Variants in KYNU observed in about 807,000 individuals in gnomAD.
KYNU encodes the protein kynureninase, also known as L-kynurenine hydrolase.
KYNU carries 54 observed loss-of-function variants against 59.2 expected under a neutral mutation model. That is an observed-to-expected ratio of 0.91 (90% CI 0.73 to 1.14). The LOEUF is 1.14. Ranked by LOEUF, KYNU falls within the 50% of genes most tolerant of loss-of-function variation. The probability of loss-of-function intolerance (pLI) is 0.00; values close to 1 mark genes in which losing one functional copy is unlikely to be tolerated. For synonymous variants in KYNU, 177 were observed against 192.0 expected (o/e 0.92, Z 0.65); for missense variants, 567 against 554.4 (o/e 1.02, Z -0.23).
At position 143,015,535 on chromosome 2, in the gene KYNU, C is replaced by T. The variant is rs953325787; in HGVS notation, c.903-14092C>T. ...ATATTATCAGGTCAAGACTCATGAC[C>T]TGATAAAGACCATCTGTATGTCCTT... is the stretch of plus-strand genomic sequence containing the variant. On this transcript the variant is annotated intron_variant, in intron 10 of 13. Coordinates refer to ENST00000264170, the MANE Select transcript of KYNU (RefSeq NM_003937.3). Among the ~76,000 whole-genome samples, 37 of 151,958 alleles carry T rather than the reference C, an allele frequency of 2.4e-4. 1 individual carries two copies. The highest frequency in any genetic ancestry group is 2.4e-3 in the Admixed American group (37 of 15,236).
intron 2 of KYNU, among the ~76,000 whole-genome samples, chr2:142,910,146 T>TTTTC: frequency 6.9e-6 from 1 of 145,628 alleles, no homozygotes; most frequent in South Asian, 2.2e-4. Flanking sequence ...TTTTTTTTTT[T>TTTTC]TTTTCTTTGA....
At chr2:142,963,893 C>G (rs904462075) in intron 8 of KYNU, among the ~76,000 whole-genome samples, 1 of 152,168 alleles carries the variant, frequency 6.6e-6, no homozygotes, top group Non-Finnish European at 1.5e-5. Flanking sequence ...ATTATACTTA[C>G]TGCTTGAACA....
intron 2 of KYNU, among the ~76,000 whole-genome samples, chr2:142,903,550 G>A (rs1418959802): frequency 0.029 from 2 of 70 alleles, no homozygotes; most frequent in African/African-American, 0.11. Context: ...GACAGATCTG[G>A]AGACAGTTGT....
chr2:142,986,310 AT>A (rs1558960447), intron 10 of KYNU, among the ~76,000 whole-genome samples: 1 of 151,366 alleles, frequency 6.6e-6, no homozygotes, highest in Admixed American at 6.6e-5. Flanking sequence ...CCACTTGAAT[AT>A]TTTTTTTCAA....
intron 2 of KYNU, among the ~76,000 whole-genome samples, chr2:142,887,507 TCATCATAGCATTATTCA>T (rs1190336465): frequency 6.6e-6 from 1 of 152,196 alleles, no homozygotes; most frequent in African/African-American, 2.4e-5. Context: ...ACACTCATGT[TCATCATAGCATTATTCA>T]TAATAGCCAA....
chr2:143,032,711 T>TTTGTGTGTGTG (rs1553491691), intron 11 of KYNU, among the ~76,000 whole-genome samples: 26 of 129,370 alleles, frequency 2.0e-4, no homozygotes, highest in Non-Finnish European at 3.9e-4. Flanking sequence ...GCTCCCTCTA[T>TTTGTGTGTGTG]TGTGTGTGTG....
At position 143,040,541 on chromosome 2, in the gene KYNU, A is replaced by T. The variant is rs1687014573; in HGVS notation, c.1155A>T (p.Lys385Asn). 1 of 1,613,110 alleles carries T rather than the reference A, an allele frequency of 6.2e-7. No individual in the cohort carries two copies. Among genetic ancestry groups the T allele is most frequent in the Non-Finnish European group, 8.5e-7 (1 of 1,179,456 alleles). Residue 385 changes from lysine (K) to asparagine (N), a missense_variant, in exon 13 of 14, where the codon AAA becomes AAT. By Grantham distance (94) the Lys-to-Asn change is moderately conservative. Transcript: ENST00000264170. ...NYGKDKAATK[K>N]PVVNIITPSH... ...GCAAAGATAAAGCAGCAACCAAGAA[A>T]CCAGTTGTGAACATAATTACTCCGT...
chr2:142,878,755 C>T (rs1177062298), intron 1 of KYNU, among the ~76,000 whole-genome samples: 2 of 152,118 alleles, frequency 1.3e-5, no homozygotes, highest in Non-Finnish European at 2.9e-5. Flanking sequence ...ATTGTGAAAG[C>T]ACAATTTCCA....
intron 1 of KYNU, among the ~76,000 whole-genome samples, chr2:142,880,146 T>C (rs16858175): frequency 0.11 from 16,530 of 152,234 alleles, 1,363 homozygotes; most frequent in East Asian, 0.22. Flanking sequence ...TCTGTCTAAA[T>C]GAGATGTCTA....
At chr2:142,898,539 A>G (rs1242299292) in intron 2 of KYNU, among the ~76,000 whole-genome samples, 1 of 152,214 alleles carries the variant, frequency 6.6e-6, no homozygotes, top group Non-Finnish European at 1.5e-5. Flanking sequence ...AATTATTATA[A>G]AGCAAAATAT....
intron 4 of KYNU, among the ~76,000 whole-genome samples, chr2:142,949,268 C>T (rs72988700): frequency 0.066 from 10,018 of 152,214 alleles, 858 homozygotes; most frequent in African/African-American, 0.2. Context: ...GTGGATCTAC[C>T]ACTCTGGGGA....
intron 10 of KYNU, among the ~76,000 whole-genome samples, chr2:143,022,463 A>G (rs1426929845): frequency 2.0e-5 from 3 of 152,032 alleles, no homozygotes; most frequent in Non-Finnish European, 4.4e-5. Context: ...AAGACTGAAT[A>G]TGTATGCAAT....
At chr2:142,985,796 T>G in intron 9 of KYNU, 152 bp from the exon 10 acceptor site, 1 of 589,066 alleles carries the variant, frequency 1.7e-6, no homozygotes, top group South Asian at 2.3e-5. Flanking sequence ...GAAGGTGACC[T>G]AAGCTTCTGT....
At chr2:142,957,585 A>T in intron 6 of KYNU, 56 bp from the exon 7 acceptor site, 1 of 1,048,062 alleles carries the variant, frequency 9.5e-7, no homozygotes, top group Non-Finnish European at 1.5e-6. Context: ...TTGTTATTTC[A>T]ATGTACTTCT....
intron 10 of KYNU, 43 bp downstream of exon 10, chr2:142,986,064 A>G: frequency 7.7e-7 from 1 of 1,292,718 alleles, no homozygotes; most frequent in Non-Finnish European, 1.1e-6. Context: ...TGAACAAATT[A>G]ATTTGCATTA....
In KYNU at chr2:142,991,277, C is replaced by T. The variant is rs1392430627; in HGVS notation, c.902+5256C>T. ...TCCTGTTTTAGTTTTCTAATGATGC[C>T]TTCTGAATTACTACTTATCAAGTCC... is the stretch of plus-strand genomic sequence containing the variant. On this transcript the variant is annotated intron_variant, in intron 10 of 13. Transcript: ENST00000264170. Among the ~76,000 whole-genome samples, 8 of 151,956 alleles carry T rather than the reference C, an allele frequency of 5.3e-5. No individual in the cohort carries two copies. In the East Asian group the frequency reaches 1.6e-3, roughly 30 times the overall value.
rs558495312 is a variant in KYNU, at chr2:142,965,622, G to A, written c.729+4852G>A. Among the ~76,000 whole-genome samples, 8 of 152,278 alleles carry A rather than the reference G, an allele frequency of 5.3e-5. No individual in the cohort carries two copies. The East Asian group carries it at 1.4e-3, about 26-fold the overall frequency. ...GGAAGAAGGGAGAAGCAGCAGGGCA[G>A]CTTCATCTGTTTCTTTCATCCTAAG... On this transcript the variant is annotated intron_variant, in intron 8 of 13. Coordinates refer to ENST00000264170, the MANE Select transcript of KYNU (RefSeq NM_003937.3).
chr2:142,889,896 G>A (rs1208222222), intron 2 of KYNU, among the ~76,000 whole-genome samples: 1 of 151,520 alleles, frequency 6.6e-6, no homozygotes, highest in Non-Finnish European at 1.5e-5. Flanking sequence ...TTTTAATCTT[G>A]AAGAAAGTCT....
At chr2:143,025,249 G>A (rs562113419) in intron 10 of KYNU, among the ~76,000 whole-genome samples, 18 of 151,466 alleles carry the variant, frequency 1.2e-4, no homozygotes, top group Non-Finnish European at 1.5e-4. Context: ...TCTTTTCCTC[G>A]TGCATATTTT....
Sources: allele counts gnomAD v4.1 joint callset (sites outside exome capture counted in the v4.1 genomes callset), GRCh38; gene constraint gnomAD v4.1.1; transcripts MANE v1.5; gene names NCBI Gene and HGNC (gene_info 2026-07-23, HGNC 2026-07-21).